CAPN1: variants seen among roughly 807,000 people sequenced by gnomAD.
CAPN1 encodes the protein calpain-1 catalytic subunit.
In CAPN1, 77 loss-of-function variants were observed where a neutral mutation model predicts 105.2. The ratio of observed to expected loss-of-function variants is 0.73; its 90% CI spans 0.61 to 0.88. CAPN1 has a LOEUF of 0.88. Ranked by LOEUF, CAPN1 falls within the 40% of genes least tolerant of loss-of-function variation. CAPN1 has a pLI of 0.00. For synonymous variants in CAPN1, 355 were observed against 388.8 expected (o/e 0.91, Z 1.02); for missense variants, 833 against 976.6 (o/e 0.85, Z 1.96).
At chr11:65,202,072 G>T (rs925169438) in intron 10 of CAPN1, among the ~76,000 whole-genome samples, 13 of 151,736 alleles carry the variant, frequency 8.6e-5, no homozygotes, top group Admixed American at 2.6e-4. Flanking sequence ...TGATCCACCC[G>T]CCTCGGCCTC....
At chr11:65,182,623 G>T in intron 1 of CAPN1, 78 bp from the exon 2 acceptor site, 1 of 1,414,480 alleles carries the variant, frequency 7.1e-7, no homozygotes, top group Non-Finnish European at 9.3e-7. Flanking sequence ...AGGGGCAGGA[G>T]AGCAGAGCTT....
chr11:65,192,782 T>G (rs917893858), intron 10 of CAPN1, among the ~76,000 whole-genome samples: 7 of 151,850 alleles, frequency 4.6e-5, no homozygotes, highest in Non-Finnish European at 1.5e-5. Flanking sequence ...TAATTTTTTA[T>G]TTTTATAGAG....
rs1232994340 is a variant in CAPN1, at chr11:65,209,566, GA to G, written c.1794+180del. ...TCCTGTTGGTTGGGAGGGAGAAACT[GA>G]GGCACAGACCTGTGTCAAGTGAAAG... On this transcript the variant is annotated intron_variant, in intron 17 of 21. Transcript: ENST00000279247. The surrounding 1 kb of genome is among the most constrained non-coding windows in gnomAD (Gnocchi z 4.1). 2 of 668,186 alleles carry G rather than the reference GA, an allele frequency of 3.0e-6. No homozygotes were observed. Among genetic ancestry groups the G allele is most frequent in the Non-Finnish European group, 5.4e-6 (2 of 371,372 alleles). 41.4% of individuals were successfully genotyped at this position (668,186 alleles called of 1,614,324 possible).
At chr11:65,206,421 G>A in intron 12 of CAPN1, 42 bp from the exon 13 acceptor site, 2 of 1,539,332 alleles carry the variant, frequency 1.3e-6, no homozygotes, top group Non-Finnish European at 1.8e-6. Flanking sequence ...AGGGTGGGCT[G>A]AGTGGGCAGC....
At chr11:65,194,438 T>C (rs1429680246) in intron 10 of CAPN1, among the ~76,000 whole-genome samples, 1 of 152,238 alleles carries the variant, frequency 6.6e-6, no homozygotes, top group African/African-American at 2.4e-5. Context: ...TGAATGAGTA[T>C]AATTCACACA....
At chr11:65,187,458 A>G (rs1948651513) in intron 7 of CAPN1, 160 bp downstream of exon 7, 1 of 616,522 alleles carries the variant, frequency 1.6e-6, no homozygotes, top group African/African-American at 1.8e-5. Flanking sequence ...TGAGATGCCT[A>G]TCATGTCCTG....
intron 10 of CAPN1, among the ~76,000 whole-genome samples, chr11:65,192,300 G>A (rs1429734974): frequency 6.6e-6 from 1 of 152,184 alleles, no homozygotes; most frequent in Non-Finnish European, 1.5e-5. Context: ...ACATTCTTGA[G>A]ATAAAAACAA....
At chr11:65,198,453 A>G (rs1026521987) in intron 10 of CAPN1, among the ~76,000 whole-genome samples, 1 of 152,062 alleles carries the variant, frequency 6.6e-6, no homozygotes, top group African/African-American at 2.4e-5. Context: ...GCCCTAATCA[A>G]TGACTTTACC....
chr11:65,187,465 C>T (rs979581776), intron 7 of CAPN1, 167 bp downstream of exon 7: 11 of 610,102 alleles, frequency 1.8e-5, no homozygotes, highest in South Asian at 1.2e-4. Context: ...CCTATCATGT[C>T]CTGCCCTGAC....
intron 10 of CAPN1, among the ~76,000 whole-genome samples, chr11:65,194,761 G>A (rs1565403436): frequency 6.6e-6 from 1 of 152,102 alleles, no homozygotes; most frequent in African/African-American, 2.4e-5. Context: ...ACATTTTGCT[G>A]ATTCATTCAT....
intron 10 of CAPN1, among the ~76,000 whole-genome samples, chr11:65,204,074 G>A (rs1948912794): frequency 6.6e-6 from 1 of 152,016 alleles, no homozygotes; most frequent in South Asian, 2.1e-4. Context: ...GCCTCCTGTC[G>A]GACCCCTGCT....
At chr11:65,199,036 T>C (rs1008949968) in intron 10 of CAPN1, among the ~76,000 whole-genome samples, 3 of 152,206 alleles carry the variant, frequency 2.0e-5, no homozygotes, top group Admixed American at 2.0e-4. Context: ...GGTTTCACCA[T>C]GTTGACCAGG....
rs751961488 is a variant in CAPN1, at chr11:65,210,867, T to C, written c.2113T>C (p.Phe705Leu). Residue 705 changes from phenylalanine (F) to leucine (L), a missense_variant, in exon 21 of 22, where the codon TTT becomes CTT. By Grantham distance (22) the Phe-to-Leu change is conservative (BLOSUM62 0). Transcript: ENST00000279247. The surrounding 1 kb of genome is among the most constrained non-coding windows in gnomAD (Gnocchi z 4.3). ...GGATGGAGTTGTGACCTTTGACTTG[T>C]TTAAGGTGGGAACCTCCCTGGGCCC... is the stretch of plus-strand genomic sequence containing the variant. ...DLDGVVTFDL[F>L]KWLQLTMFA is the part of the protein sequence containing the mutation. The C allele has an allele frequency of 6.2e-7, 1 of 1,613,040 alleles. No individual in the cohort carries two copies.
intron 11 of CAPN1, 77 bp from the exon 12 acceptor site, chr11:65,205,633 A>C: frequency 7.0e-7 from 1 of 1,424,578 alleles, no homozygotes; most frequent in South Asian, 1.2e-5. Context: ...AGAACTCAAG[A>C]CCTCTGCCCA....
chr11:65,198,103 G>A (rs1397721710), intron 10 of CAPN1, among the ~76,000 whole-genome samples: 21 of 151,150 alleles, frequency 1.4e-4, no homozygotes, highest in Non-Finnish European at 2.9e-5. Flanking sequence ...AAAGACATAA[G>A]AGTTTGCTTA....
At chr11:65,202,214 A>G (rs1948882483) in intron 10 of CAPN1, among the ~76,000 whole-genome samples, 1 of 152,152 alleles carries the variant, frequency 6.6e-6, no homozygotes, top group South Asian at 2.1e-4. Context: ...TACCTCAGGT[A>G]GATGTTTATC....
In CAPN1 at chr11:65,188,056, C is replaced by T. The variant is rs746732745; in HGVS notation, c.929+16C>T. ...GGAGCGACAGGTGAGGGGCAGTGGG[C>T]ACTGTCTGGAGTGCCTTGGGGAAAC... On this transcript the variant is annotated intron_variant, in intron 8 of 21. Transcript: ENST00000279247. This position sits in a 1 kb window ranked among gnomAD's most constrained non-coding sequence, Gnocchi z 5.5. 3.3e-6 allele frequency: 5 copies of T among 1,532,354 alleles called. No individual in the cohort carries two copies. The highest frequency in any genetic ancestry group is 4.4e-6 in the Non-Finnish European group (5 of 1,131,606). The allele number at this position is 1,532,354 out of a possible 1,614,324, so 94.9% of individuals were successfully genotyped here. A position where few individuals can be genotyped will look rare whatever the true frequency, so the allele number is the denominator to read the frequency against.
At chr11:65,191,665 T>C (rs902582278) in intron 10 of CAPN1, among the ~76,000 whole-genome samples, 10 of 152,228 alleles carry the variant, frequency 6.6e-5, no homozygotes, top group African/African-American at 2.4e-4. Context: ...AGTGAGCCAC[T>C]GCGTCCAGCC....
At chr11:65,205,474 G>A (rs888008316) in intron 11 of CAPN1, among the ~76,000 whole-genome samples, 1 of 151,890 alleles carries the variant, frequency 6.6e-6, no homozygotes, top group African/African-American at 2.4e-5. Context: ...TGGAGCCTCT[G>A]ACTCAGAATG....
Sources: gnomAD v4.1 joint callset for allele counts (sites outside exome capture counted in the v4.1 genomes callset) on GRCh38, gnomAD v4.1.1 for gene constraint, Gnocchi (gnomAD v3.1) non-coding constraint, MANE v1.5 for transcripts, NCBI Gene and HGNC (gene_info 2026-07-23, HGNC 2026-07-21) for gene names.